CIROZ: variants seen among roughly 807,000 people sequenced by gnomAD.
CIROZ encodes ciliated left-right organizer ZP-N domains-containing protein.
At chr1:10,961,861 C>T in the CIROZ span, among the ~76,000 whole-genome samples, 1 of 152,134 alleles carries the variant, frequency 6.6e-6, no homozygotes, top group South Asian at 2.1e-4. Flanking sequence ...CCATGAGAAT[C>T]GCTTGAACCC....
At chr1:10,980,132 C>T in the CIROZ span, among the ~76,000 whole-genome samples, 1 of 152,242 alleles carries the variant, frequency 6.6e-6, no homozygotes, top group Non-Finnish European at 1.5e-5. Flanking sequence ...CTAGGGCTGC[C>T]CTCGTTGAGC....
the CIROZ span, chr1:10,948,720 A>C: frequency 6.4e-7 from 1 of 1,564,396 alleles, no homozygotes; most frequent in East Asian, 2.3e-5. Flanking sequence ...GTGTCCAGGG[A>C]TCCCTGCTTC....
At chr1:10,975,028 T>G in the CIROZ span, among the ~76,000 whole-genome samples, 9,505 of 151,980 alleles carry the variant, frequency 0.063, 1,010 homozygotes, top group African/African-American at 0.22. Flanking sequence ...TCCCAGCACT[T>G]TGGGAAGCAA....
chr1:10,948,222 CT>C, the CIROZ span: 40 of 1,613,846 alleles, frequency 2.5e-5, no homozygotes, highest in Non-Finnish European at 3.2e-5. Flanking sequence ...CATGTGCCCC[CT>C]GGCCCCCTCC....
the CIROZ span, chr1:10,948,731 C>T: frequency 2.1e-5 from 32 of 1,553,174 alleles, no homozygotes; most frequent in South Asian, 3.8e-4. Context: ...TCCCTGCTTC[C>T]CCTGGGGGAG....
chr1:10,963,261 C>T, the CIROZ span, among the ~76,000 whole-genome samples: 3 of 151,992 alleles, frequency 2.0e-5, no homozygotes, highest in Non-Finnish European at 4.4e-5. Flanking sequence ...TGGTGGCACA[C>T]ACCTCTAATC....
chr1:10,981,672 CCCT>C, the CIROZ span, among the ~76,000 whole-genome samples: 2 of 152,082 alleles, frequency 1.3e-5, no homozygotes, highest in Non-Finnish European at 2.9e-5. Context: ...TCAACTTGAC[CCCT>C]AATTTGTTTT....
chr1:10,955,635 G>T, the CIROZ span, among the ~76,000 whole-genome samples: 2 of 152,078 alleles, frequency 1.3e-5, no homozygotes, highest in Non-Finnish European at 2.9e-5. Flanking sequence ...CTCAGGTCAG[G>T]ATTTCAAGAC....
chr1:10,958,701 G>A, the CIROZ span: 1 of 1,614,040 alleles, frequency 6.2e-7, no homozygotes, highest in Non-Finnish European at 8.5e-7. Flanking sequence ...CTACTTCAAT[G>A]GGGCCCGCTT....
chr1:10,957,382 C>G, the CIROZ span, among the ~76,000 whole-genome samples: 1 of 152,356 alleles, frequency 6.6e-6, no homozygotes, highest in East Asian at 1.9e-4. Flanking sequence ...ACGGTAATTA[C>G]GCTCCTGCCG....
the CIROZ span, chr1:10,948,251 T>C: frequency 6.2e-7 from 1 of 1,613,950 alleles, no homozygotes. Flanking sequence ...GACCAGGCCC[T>C]GTCTGGCGTG....
chr1:10,951,746 AT>A, the CIROZ span, among the ~76,000 whole-genome samples: 417 of 84,384 alleles, frequency 4.9e-3, no homozygotes, highest in Admixed American at 8.6e-3. Flanking sequence ...AAAAAAAAAA[AT>A]ATATATATAT....
chr1:10,973,093 C>T, the CIROZ span, among the ~76,000 whole-genome samples: 1 of 152,180 alleles, frequency 6.6e-6, no homozygotes, highest in African/African-American at 2.4e-5. Context: ...TAAAGTCAGG[C>T]CAGGTGCAGT....
chr1:10,979,910 G>A, the CIROZ span, among the ~76,000 whole-genome samples: 1 of 152,136 alleles, frequency 6.6e-6, no homozygotes, highest in Admixed American at 6.5e-5. Context: ...AGCCAGGTGC[G>A]GTGGCGCATG....
the CIROZ span, chr1:10,981,949 A>T: frequency 6.6e-7 from 1 of 1,526,618 alleles, no homozygotes; most frequent in Non-Finnish European, 8.8e-7. Flanking sequence ...GGCTTCTTCA[A>T]GGAGTGTGGG....
At chr1:10,975,407 G>GAAAAAA in the CIROZ span, among the ~76,000 whole-genome samples, 7 of 78,830 alleles carry the variant, frequency 8.9e-5, no homozygotes, top group African/African-American at 1.8e-4. Flanking sequence ...CTCTGTCTCA[G>GAAAAAA]AAAAAAAAAA....
At chr1:10,978,205 C>T in the CIROZ span, among the ~76,000 whole-genome samples, 3 of 151,392 alleles carry the variant, frequency 2.0e-5, no homozygotes, top group Non-Finnish European at 2.9e-5. Context: ...CCACCACGCC[C>T]GGCTAATTTA....
the CIROZ span, among the ~76,000 whole-genome samples, chr1:10,965,822 A>G: frequency 2.8e-5 from 4 of 144,772 alleles, no homozygotes; most frequent in African/African-American, 1.0e-4. Flanking sequence ...GCCTCCGTCA[A>G]AAAAAAAAAA....
the CIROZ span, among the ~76,000 whole-genome samples, chr1:10,974,739 C>G: frequency 6.6e-6 from 1 of 152,106 alleles, no homozygotes; most frequent in Non-Finnish European, 1.5e-5. This position sits in a 1 kb window ranked among gnomAD's most constrained non-coding sequence, Gnocchi z 4.4. Context: ...GAAGTTTGCC[C>G]CTGGGTATCT....
Sources: allele counts gnomAD v4.1 joint callset (sites outside exome capture counted in the v4.1 genomes callset), GRCh38; gene constraint gnomAD v4.1.1; non-coding constraint Gnocchi (gnomAD v3.1); transcripts MANE v1.5; gene names NCBI Gene and HGNC (gene_info 2026-07-23, HGNC 2026-07-21).